The following DMD variants were observed in gnomAD, a reference collection of about 807,000 sequenced individuals.
The protein encoded by DMD is dystrophin.
Under a neutral mutation model 330.1 loss-of-function variants are expected in DMD, and 63 were observed. The observed-to-expected ratio is 0.19, with a 90% CI of 0.16 to 0.24. The LOEUF (loss-of-function observed/expected upper bound fraction) is 0.24, where lower values mean the gene tolerates loss of function less well. DMD is among the 10% of genes least tolerant of loss of function. DMD has a pLI of 1.00. For missense variants in DMD, 3,344 were observed against 2,684.1 expected (o/e 1.25, Z -5.43); for synonymous variants, 1,223 against 959.8 (o/e 1.27, Z -5.07).
upstream of DMD, among the ~76,000 whole-genome samples, chrX:33,212,387 T>C (rs935060687): frequency 1.8e-5 from 2 of 112,145 alleles, no homozygotes; most frequent in African/African-American, 3.2e-5. Context: ...TAAATCATTC[T>C]TTGCCAATAG....
At chrX:31,237,318 T>C (rs954539504) in intron 63 of DMD, among the ~76,000 whole-genome samples, 1 of 112,246 alleles carries the variant, frequency 8.9e-6, no homozygotes, top group African/African-American at 3.2e-5. Context: ...TAGTAAACTA[T>C]GCGTATCTCT....
At chrX:32,730,544 C>A (rs1005544245) in intron 7 of DMD, among the ~76,000 whole-genome samples, 37 of 111,447 alleles carry the variant, frequency 3.3e-4, no homozygotes, top group African/African-American at 1.1e-3. Context: ...ATAGGAATGA[C>A]GTTGAATCAC....
rs765425753 is a variant in DMD at position 33,067,981 on chromosome X, TAAC to T, written c.32-47784_32-47782del. Among the ~76,000 whole-genome samples the T allele has an allele frequency of 1.2e-3, 139 of 112,443 alleles. 1 individual carries two copies. Among genetic ancestry groups the T allele is most frequent in the African/African-American group, 4.3e-3 (134 of 31,025 alleles). On this transcript the variant is annotated intron_variant, in intron 1 of 78. Coordinates refer to ENST00000357033, the MANE Select transcript of DMD (RefSeq NM_004006.3). ...TAGTTGTCTTAAATATTAAACAAAA[TAAC>T]AACAATAGTGCCAACAAGTGCTGCT...
At chrX:31,355,935 T>G (rs1265547488) in intron 60 of DMD, among the ~76,000 whole-genome samples, 4 of 108,464 alleles carry the variant, frequency 3.7e-5, no homozygotes, top group Non-Finnish European at 7.6e-5. Flanking sequence ...CCTCCCAGAG[T>G]GCTGGGATTA....
Position 32,287,762 on chromosome X carries a change from A to AAT in DMD, c.6118-63_6118-62dup, listed in dbSNP as rs3842480. On this transcript the variant is annotated intron_variant, in intron 42 of 78. Transcript: ENST00000357033. ...AATTAGCTGTCTATAGAAAGAGAAA[A>AAT]ATATATATATATATACAAATCCCAA... is the stretch of plus-strand genomic sequence containing the variant. 111,672 of 681,531 alleles carry AAT rather than the reference A, an allele frequency of 0.16. 6,204 individuals carry two copies. Among genetic ancestry groups the AAT allele is most frequent in the East Asian group, 0.35 (8,187 of 23,349 alleles). The allele number at this position is 681,531 out of a possible 1,213,427, so 56.2% of individuals were successfully genotyped here.
intron 9 of DMD, among the ~76,000 whole-genome samples, chrX:32,682,544 A>C (rs761976752): frequency 9.0e-6 from 1 of 111,341 alleles, no homozygotes; most frequent in African/African-American, 3.3e-5. Flanking sequence ...TAGCAAGTTA[A>C]CTTAGTTTAT....
At chrX:31,625,662 T>C (rs939581966) in intron 55 of DMD, among the ~76,000 whole-genome samples, 8 of 112,134 alleles carry the variant, frequency 7.1e-5, no homozygotes, top group African/African-American at 2.6e-4. Context: ...ATAGTAAATA[T>C]AGTTAGGACA....
At chrX:32,930,489 C>T (rs1334221393) in intron 2 of DMD, among the ~76,000 whole-genome samples, 1 of 110,892 alleles carries the variant, frequency 9.0e-6, no homozygotes, top group African/African-American at 3.3e-5. Context: ...ACAACTAAAA[C>T]GTTGTAGAAA....
intron 12 of DMD, among the ~76,000 whole-genome samples, chrX:32,604,881 C>T (rs148374965): frequency 2.2e-3 from 240 of 108,004 alleles, no homozygotes; most frequent in African/African-American, 7.8e-3. Flanking sequence ...AACTACAAAA[C>T]ACCCATGAAA....
At chrX:31,554,193 G>A (rs963696167) in intron 55 of DMD, among the ~76,000 whole-genome samples, 1 of 112,154 alleles carries the variant, frequency 8.9e-6, no homozygotes, top group Non-Finnish European at 1.9e-5. Flanking sequence ...TTATCTATGC[G>A]AGAAGAAGAG....
At chrX:32,157,294 C>A (rs1451624918) in intron 44 of DMD, among the ~76,000 whole-genome samples, 1 of 111,604 alleles carries the variant, frequency 9.0e-6, no homozygotes, top group Non-Finnish European at 1.9e-5. Context: ...TCAGAAAGAC[C>A]TACTTACACC....
intron 59 of DMD, among the ~76,000 whole-genome samples, chrX:31,470,225 G>A (rs1337278792): frequency 9.0e-6 from 1 of 111,638 alleles, no homozygotes; most frequent in Admixed American, 9.6e-5. Context: ...CTGGAGAGGA[G>A]TTGTGATCAT....
intron 2 of DMD, among the ~76,000 whole-genome samples, chrX:32,862,339 A>T (rs1159867096): frequency 8.9e-6 from 1 of 112,204 alleles, no homozygotes; most frequent in African/African-American, 3.2e-5. Context: ...AAATGATTCA[A>T]ACAGATGTGC....
intron 7 of DMD, among the ~76,000 whole-genome samples, chrX:32,770,440 G>T (rs1191740159): frequency 2.7e-5 from 3 of 111,493 alleles, no homozygotes; most frequent in African/African-American, 9.8e-5. Context: ...AGTATAGTAA[G>T]ACCTTAGATG....
intron 63 of DMD, among the ~76,000 whole-genome samples, chrX:31,229,558 C>T (rs1347478677): frequency 8.9e-6 from 1 of 111,839 alleles, no homozygotes; most frequent in Non-Finnish European, 1.9e-5. Flanking sequence ...TTTGTTTCTT[C>T]ATACCAACTC....
chrX:32,027,183 CAGAGAGAG>C (rs1557075867), intron 44 of DMD, among the ~76,000 whole-genome samples: 1 of 97,502 alleles, frequency 1.0e-5, no homozygotes, highest in African/African-American at 3.9e-5. Flanking sequence ...CACACACACA[CAGAGAGAG>C]AGAGAGAGAG....
At chrX:33,335,610 T>C (rs2054240970) in intron 1 of DMD, among the ~76,000 whole-genome samples, 1 of 110,907 alleles carries the variant, frequency 9.0e-6, no homozygotes, top group Non-Finnish European at 1.9e-5. Flanking sequence ...AATAGTTCAA[T>C]GTATTTGTTC....
chrX:31,370,715 C>G lies in DMD; in HGVS notation c.9085-22081G>C, dbSNP rs72625578. 1.8e-5 allele frequency among the ~76,000 whole-genome samples: 2 copies of G among 112,328 alleles called. 1 individual carries two copies. ...TCAGGGAAATAAAAACTTATGTTCA[C>G]ACAAAAACCTGTACATTAATGTTGG... is the stretch of plus-strand genomic sequence containing the variant. On this transcript the variant is annotated intron_variant, in intron 60 of 78. Coordinates refer to ENST00000357033, the MANE Select transcript of DMD (RefSeq NM_004006.3).
At chrX:31,791,793 AC>A (rs750034480) in intron 50 of DMD, among the ~76,000 whole-genome samples, 1 of 111,784 alleles carries the variant, frequency 8.9e-6, no homozygotes, top group African/African-American at 3.2e-5. Flanking sequence ...ACTCTAGTTA[AC>A]CCATACAGTC....
Sources: allele counts gnomAD v4.1 joint callset (sites outside exome capture counted in the v4.1 genomes callset), GRCh38; gene constraint gnomAD v4.1.1; transcripts MANE v1.5; gene names NCBI Gene and HGNC (gene_info 2026-07-23, HGNC 2026-07-21).